COL21A1: variants seen among roughly 807,000 people sequenced by gnomAD.
The protein encoded by COL21A1 is collagen type XXI alpha 1 chain.
In COL21A1, 149 loss-of-function variants were observed where a neutral mutation model predicts 137.9. The ratio of observed to expected loss-of-function variants is 1.08; its 90% confidence interval spans 0.95 to 1.24. The LOEUF is 1.24. Among genes scored for constraint, COL21A1 ranks in the 50% most tolerant of loss-of-function variants. COL21A1 has a pLI of 0.00. For missense variants in COL21A1, 1,167 were observed against 1,158.4 expected (o/e 1.01, Z -0.11); for synonymous variants, 456 against 391.5 (o/e 1.16, Z -1.95).
intron 14 of COL21A1, 44 bp from the exon 15 acceptor site, chr6:56,124,336 G>A: frequency 6.5e-7 from 1 of 1,542,116 alleles, no homozygotes; most frequent in Non-Finnish European, 8.8e-7. Context: ...TTACAATAAT[G>A]TTTTCAAGTT....
chr6:56,197,707 C>T (rs534231048), intron 1 of COL21A1, among the ~76,000 whole-genome samples: 5 of 151,834 alleles, frequency 3.3e-5, no homozygotes, highest in Middle Eastern at 3.2e-3. Context: ...AGATAGCAAG[C>T]GTTGGTGAAG....
At chr6:56,078,763 T>C (rs898969380) in intron 17 of COL21A1, among the ~76,000 whole-genome samples, 3 of 151,672 alleles carry the variant, frequency 2.0e-5, no homozygotes, top group Non-Finnish European at 3.0e-5. Flanking sequence ...CTCAATTCAG[T>C]TTGCCACTTC....
intron 19 of COL21A1, among the ~76,000 whole-genome samples, chr6:56,075,160 A>C (rs1171870802): frequency 1.3e-5 from 2 of 151,406 alleles, no homozygotes; most frequent in Non-Finnish European, 3.0e-5. Flanking sequence ...AAAATAAAAA[A>C]ATCACTGAGA....
At chr6:56,200,434 TC>T (rs1216843448) in intron 1 of COL21A1, among the ~76,000 whole-genome samples, 1 of 150,202 alleles carries the variant, frequency 6.7e-6, no homozygotes, top group Non-Finnish European at 1.5e-5. Flanking sequence ...TAGTTATAAC[TC>T]CTAATGCTAT....
intron 9 of COL21A1, among the ~76,000 whole-genome samples, chr6:56,159,481 C>T (rs769811248): frequency 1.2e-4 from 18 of 151,868 alleles, no homozygotes; most frequent in Admixed American, 1.3e-4. Flanking sequence ...TACAGGCATG[C>T]GCCACCATGC....
chr6:56,105,301 G>A (rs1770791534), intron 16 of COL21A1, among the ~76,000 whole-genome samples: 1 of 151,962 alleles, frequency 6.6e-6, no homozygotes, highest in South Asian at 2.1e-4. Context: ...AATAAAATAA[G>A]AGCCTTTGTG....
At chr6:56,285,408 A>G (rs1763882189) in intron 1 of COL21A1, among the ~76,000 whole-genome samples, 1 of 152,204 alleles carries the variant, frequency 6.6e-6, no homozygotes, top group South Asian at 2.1e-4. Flanking sequence ...AAAGGGTCTT[A>G]GAATTGTCCT....
chr6:56,166,047 TA>T lies in COL21A1; in HGVS notation c.1278+858del, dbSNP rs575003418. Among the ~76,000 whole-genome samples the T allele has an allele frequency of 3.0e-3, 452 of 152,102 alleles. 2 individuals are homozygous for T. The highest frequency in any genetic ancestry group is 0.01 in the African/African-American group (429 of 41,510). ...AGAAACGCTGCTTATATTCTAGAAC[TA>T]TAATAAATTTTTACTTAAATATCAA... On this transcript the variant is annotated intron_variant, in intron 7 of 29. Coordinates refer to ENST00000244728, the MANE Select transcript of COL21A1 (RefSeq NM_030820.4).
At chr6:56,254,596 T>C (rs924020587) in intron 1 of COL21A1, among the ~76,000 whole-genome samples, 1 of 152,232 alleles carries the variant, frequency 6.6e-6, no homozygotes, top group Non-Finnish European at 1.5e-5. Context: ...AACAAAATAA[T>C]TGTTTATAAA....
At chr6:56,217,706 T>A (rs1172380961) in intron 1 of COL21A1, among the ~76,000 whole-genome samples, 1 of 152,114 alleles carries the variant, frequency 6.6e-6, no homozygotes, top group Non-Finnish European at 1.5e-5. Context: ...GGAAAAGGCA[T>A]AATGTTATTG....
chr6:56,318,698 C>T (rs1467780716), intron 1 of COL21A1, among the ~76,000 whole-genome samples: 2 of 152,078 alleles, frequency 1.3e-5, no homozygotes, highest in African/African-American at 4.8e-5. Flanking sequence ...CTTCCTCTTA[C>T]CTTCTCAAGC....
intron 17 of COL21A1, 63 bp downstream of exon 17, chr6:56,101,409 A>T: frequency 7.8e-7 from 1 of 1,282,992 alleles, no homozygotes; most frequent in Non-Finnish European, 1.1e-6. Context: ...TTAAATAACC[A>T]AAAAGGATTT....
chr6:56,065,968 G>A (rs1368064441), intron 23 of COL21A1, among the ~76,000 whole-genome samples: 1 of 151,890 alleles, frequency 6.6e-6, no homozygotes, highest in African/African-American at 2.4e-5. Flanking sequence ...AGTCAGGAGA[G>A]GTAGAAGGTG....
chr6:56,083,252 C>T (rs1204290761), intron 17 of COL21A1, among the ~76,000 whole-genome samples: 1 of 151,898 alleles, frequency 6.6e-6, no homozygotes. Flanking sequence ...GCTGTAGGAC[C>T]AAGGTAGCCA....
At chr6:56,086,768 A>C (rs570034170) in intron 17 of COL21A1, among the ~76,000 whole-genome samples, 1 of 152,282 alleles carries the variant, frequency 6.6e-6, no homozygotes, top group Non-Finnish European at 1.5e-5. Flanking sequence ...GGTTCCTATA[A>C]GGCAGCAATC....
At chr6:56,364,715 T>A (rs1304690588) in intron 1 of COL21A1, among the ~76,000 whole-genome samples, 1 of 151,884 alleles carries the variant, frequency 6.6e-6, no homozygotes, top group Admixed American at 6.6e-5. Flanking sequence ...CAGCTATGAT[T>A]TTTTTCTACC....
intron 1 of COL21A1, among the ~76,000 whole-genome samples, chr6:56,239,200 T>C (rs1201077517): frequency 6.6e-6 from 1 of 152,232 alleles, no homozygotes; most frequent in Non-Finnish European, 1.5e-5. Flanking sequence ...CTTCACCAGA[T>C]ATTACCATCT....
intron 1 of COL21A1, among the ~76,000 whole-genome samples, chr6:56,288,254 GA>G (rs56038492): frequency 0.43 from 62,353 of 145,720 alleles, 15,343 homozygotes; most frequent in African/African-American, 0.68. Flanking sequence ...AAAAATAAAA[GA>G]AAAAAAAAAG....
intron 1 of COL21A1, among the ~76,000 whole-genome samples, chr6:56,328,927 C>T (rs529767016): frequency 1.3e-5 from 2 of 152,152 alleles, no homozygotes; most frequent in Admixed American, 6.6e-5. Flanking sequence ...AAGGCTCCTG[C>T]GTCATCTGGA....
Sources: gnomAD v4.1 joint callset for allele counts (sites outside exome capture counted in the v4.1 genomes callset) on GRCh38, gnomAD v4.1.1 for gene constraint, MANE v1.5 for transcripts, NCBI Gene and HGNC (gene_info 2026-07-23, HGNC 2026-07-21) for gene names.